The following PPP1R12B variants were observed in gnomAD, a reference collection of about 807,000 sequenced individuals.
The protein encoded by PPP1R12B is protein phosphatase 1 regulatory subunit 12B, also known as myosin phosphatase target subunit 2.
In PPP1R12B, 76 loss-of-function variants were observed where a neutral mutation model predicts 126.1. That is an observed-to-expected ratio of 0.60 (90% CI 0.50 to 0.73). PPP1R12B has a LOEUF of 0.73. PPP1R12B is among the 30% of genes least tolerant of loss of function. PPP1R12B has a pLI of 0.00. For synonymous variants in PPP1R12B, 356 were observed against 434.7 expected (o/e 0.82, Z 2.25); for missense variants, 1,052 against 1,205.1 (o/e 0.87, Z 1.88).
At chr1:202,379,938 A>G (rs1366083258) in intron 1 of PPP1R12B, among the ~76,000 whole-genome samples, 1 of 152,222 alleles carries the variant, frequency 6.6e-6, no homozygotes, top group Non-Finnish European at 1.5e-5. Flanking sequence ...TTTACCAGGT[A>G]TCCCAGAGAT....
At chr1:202,392,350 A>T (rs901956846) in intron 1 of PPP1R12B, among the ~76,000 whole-genome samples, 19 of 152,286 alleles carry the variant, frequency 1.2e-4, no homozygotes, top group Admixed American at 9.8e-4. Context: ...TTGAAAACAG[A>T]TGCTAAGAGA....
intron 1 of PPP1R12B, among the ~76,000 whole-genome samples, chr1:202,404,661 G>A (rs895769206): frequency 6.6e-6 from 1 of 151,872 alleles, no homozygotes; most frequent in Non-Finnish European, 1.5e-5. Context: ...CACCACGCCT[G>A]GCTAATTTTT....
chr1:202,381,434 G>GTGTGTATGTA (rs71142528), intron 1 of PPP1R12B, among the ~76,000 whole-genome samples: 1 of 131,128 alleles, frequency 7.6e-6, no homozygotes, highest in Non-Finnish European at 1.6e-5. Context: ...GTGTGTGTGT[G>GTGTGTATGTA]TGTATCATCC....
At chr1:202,535,312 C>A (rs1248119913) in intron 18 of PPP1R12B, among the ~76,000 whole-genome samples, 1 of 152,004 alleles carries the variant, frequency 6.6e-6, no homozygotes, top group Non-Finnish European at 1.5e-5. Flanking sequence ...AGCATTTTAT[C>A]AAACATCACC....
intron 6 of PPP1R12B, among the ~76,000 whole-genome samples, chr1:202,429,342 G>A (rs1430723722): frequency 6.6e-6 from 1 of 152,082 alleles, no homozygotes; most frequent in Non-Finnish European, 1.5e-5. Flanking sequence ...TTACAGAGAA[G>A]AATATATTTC....
chr1:202,442,456 T>C lies in PPP1R12B; in HGVS notation c.1551T>C (p.Ala517=), dbSNP rs1396291687. ...TTTCATGCTTCTACAGAGAATCAGC[T>C]GTTAATCTAGTGAGGAGTGGCTCCT... The part of the protein sequence containing the change: ...DIEEKENRES[A]VNLVRSGSYT... The change falls in exon 12 of 24, where the codon GCT becomes GCC. Residue 517 remains alanine, a synonymous_variant. Transcript: ENST00000608999. 2 of 1,610,212 alleles carry C rather than the reference T, an allele frequency of 1.2e-6. No homozygotes were observed. The highest frequency in any genetic ancestry group is 1.3e-5 in the African/African-American group (1 of 74,650).
intron 3 of PPP1R12B, 143 bp downstream of exon 3, chr1:202,422,881 C>T (rs1405866989): frequency 2.5e-6 from 3 of 1,185,750 alleles, no homozygotes; most frequent in Non-Finnish European, 3.5e-6. Flanking sequence ...ATCATTAATC[C>T]AGCATCATGT....
At chr1:202,538,845 C>A (rs1572435944) in intron 18 of PPP1R12B, among the ~76,000 whole-genome samples, 1 of 152,222 alleles carries the variant, frequency 6.6e-6, no homozygotes, top group South Asian at 2.1e-4. Context: ...TGTAGCCTTG[C>A]AATTGCACTA....
At chr1:202,422,176 A>T (rs180950232) in intron 2 of PPP1R12B, among the ~76,000 whole-genome samples, 1 of 152,180 alleles carries the variant, frequency 6.6e-6, no homozygotes, top group Admixed American at 6.5e-5. Context: ...TTTCATGTGG[A>T]TGTCTGGTTG....
At chr1:202,437,475 C>T (rs990771305) in intron 9 of PPP1R12B, among the ~76,000 whole-genome samples, 5 of 152,192 alleles carry the variant, frequency 3.3e-5, no homozygotes, top group Non-Finnish European at 7.4e-5. Flanking sequence ...TATTCAGTTC[C>T]ACGGTGAGTT....
At chr1:202,517,779 T>C (rs1338749842) in intron 18 of PPP1R12B, among the ~76,000 whole-genome samples, 2 of 151,954 alleles carry the variant, frequency 1.3e-5, no homozygotes, top group Non-Finnish European at 2.9e-5. Context: ...GCGACCACTA[T>C]CATGCCCCTC....
chr1:202,352,455 T>G (rs1656198127), intron 1 of PPP1R12B, among the ~76,000 whole-genome samples: 1 of 152,200 alleles, frequency 6.6e-6, no homozygotes, highest in Non-Finnish European at 1.5e-5. Context: ...ATGTATTATG[T>G]TGACTCTTAA....
Position 202,416,918 on chromosome 1 carries a change from G to A in PPP1R12B, c.422+1G>A. On this transcript the variant is annotated splice_donor_variant, in intron 2 of 23. Coordinates refer to ENST00000608999, the MANE Select transcript of PPP1R12B (RefSeq NM_002481.4). LOFTEE classifies it high-confidence loss of function. ...CCTGTGGCTATCTCAACATAGCAGA[G>A]TGAGTGAGTCTCTGTGTGTGTGGCT... is the stretch of plus-strand genomic sequence containing the variant. The A allele has an allele frequency of 6.2e-7, 1 of 1,613,228 alleles. No homozygotes were observed. Among genetic ancestry groups the A allele is most frequent in the Non-Finnish European group, 8.5e-7 (1 of 1,179,446 alleles).
At chr1:202,471,653 A>G (rs920291518) in intron 13 of PPP1R12B, among the ~76,000 whole-genome samples, 17 of 139,194 alleles carry the variant, frequency 1.2e-4, no homozygotes, top group Non-Finnish European at 1.9e-4. Flanking sequence ...TTTAATTTGC[A>G]TTTTTTTTAT....
chr1:202,551,515 ATAAAT>A (rs1289662914), intron 18 of PPP1R12B, among the ~76,000 whole-genome samples: 2 of 136,072 alleles, frequency 1.5e-5, no homozygotes, highest in Non-Finnish European at 3.3e-5. Flanking sequence ...GATGTTACAG[ATAAAT>A]TAAACCATTT....
chr1:202,378,253 T>TTG (rs1661592001), intron 1 of PPP1R12B, among the ~76,000 whole-genome samples: 2 of 148,484 alleles, frequency 1.3e-5, no homozygotes, highest in Admixed American at 1.3e-4. Context: ...CATTCTTTTT[T>TTG]TTTTTTTTTT....
intron 23 of PPP1R12B, among the ~76,000 whole-genome samples, chr1:202,574,112 G>C (rs1688870691): frequency 6.9e-6 from 1 of 145,082 alleles, no homozygotes; most frequent in Non-Finnish European, 1.5e-5. Context: ...AGAGCTGACA[G>C]TTCTTTCTTA....
At chr1:202,454,706 G>C (rs1406798322) in intron 13 of PPP1R12B, among the ~76,000 whole-genome samples, 2 of 152,066 alleles carry the variant, frequency 1.3e-5, no homozygotes, top group Non-Finnish European at 2.9e-5. Flanking sequence ...GGCCAAGTTG[G>C]GAGGATCACT....
intron 18 of PPP1R12B, among the ~76,000 whole-genome samples, chr1:202,527,659 A>C (rs1558335061): frequency 2.0e-5 from 3 of 152,198 alleles, no homozygotes; most frequent in African/African-American, 7.2e-5. Flanking sequence ...CGTAACCTTT[A>C]AAGAAATTTA....
Sources: gnomAD v4.1 joint callset for allele counts (sites outside exome capture counted in the v4.1 genomes callset) on GRCh38, gnomAD v4.1.1 for gene constraint, MANE v1.5 for transcripts, NCBI Gene and HGNC (gene_info 2026-07-23, HGNC 2026-07-21) for gene names.